Variants in SEMA6D observed in about 807,000 individuals in gnomAD.
SEMA6D encodes the protein semaphorin 6D, also known as semaphorin-6D.
Under a neutral mutation model 106.6 loss-of-function variants are expected in SEMA6D, and 35 were observed. The observed-to-expected ratio is 0.33, with a 90% CI of 0.25 to 0.44. The LOEUF (loss-of-function observed/expected upper bound fraction) is 0.44, where lower values mean the gene tolerates loss of function less well. Ranked by LOEUF, SEMA6D falls within the 20% of genes least tolerant of loss-of-function variation. The pLI is 1.00. For missense variants in SEMA6D, 1,185 were observed against 1,345.9 expected, an observed-to-expected ratio of 0.88 and a Z score of 1.87; for synonymous variants, 499 against 487.7, an observed-to-expected ratio of 1.02 and a Z score of -0.31.
At position 47,488,645 on chromosome 15, in the gene SEMA6D, C is replaced by G. The variant is rs1656600; in HGVS notation, c.-87+18100C>G. ...GAGAATCAGAAGAGAAAGCCTGAGA[C>G]TTGAGGAAGGGAGGGAGTTAGCTAG... On this transcript the variant is annotated intron_variant, in intron 3 of 19. Coordinates refer to the SEMA6D transcript ENST00000558014. Among the ~76,000 whole-genome samples, 258 of 152,132 alleles carry G rather than the reference C, an allele frequency of 1.7e-3. 2 individuals carry two copies. The highest frequency in any genetic ancestry group is 5.8e-3 in the African/African-American group (240 of 41,506).
At chr15:47,301,553 G>A (rs1488084796) in intron 1 of SEMA6D, among the ~76,000 whole-genome samples, 4 of 152,232 alleles carry the variant, frequency 2.6e-5, no homozygotes, top group Non-Finnish European at 5.9e-5. Context: ...CAGATGTCCA[G>A]CTGCCCTGGG....
chr15:47,495,543 G>A (rs1010676032), intron 3 of SEMA6D, among the ~76,000 whole-genome samples: 2 of 151,602 alleles, frequency 1.3e-5, no homozygotes, highest in African/African-American at 2.4e-5. Context: ...TCCATGAATC[G>A]CAAATGTTGT....
intron 3 of SEMA6D, among the ~76,000 whole-genome samples, chr15:47,534,202 T>A (rs1385195043): frequency 2.0e-5 from 3 of 152,222 alleles, no homozygotes; most frequent in African/African-American, 4.8e-5. Flanking sequence ...TCTTTTTTTT[T>A]TAAATGGAGA....
intron 3 of SEMA6D, among the ~76,000 whole-genome samples, chr15:47,480,837 G>A (rs2043134853): frequency 6.6e-6 from 1 of 152,064 alleles, no homozygotes; most frequent in African/African-American, 2.4e-5. Context: ...CTCCAACCCT[G>A]TTGTCTTTCT....
chr15:47,711,817 G>A (rs2079029491), intron 4 of SEMA6D, among the ~76,000 whole-genome samples: 1 of 152,160 alleles, frequency 6.6e-6, no homozygotes, highest in Non-Finnish European at 1.5e-5. Context: ...TGGAAAGATG[G>A]AAATTACCCA....
chr15:47,758,275 C>G (rs1306992297), intron 1 of SEMA6D, among the ~76,000 whole-genome samples: 1 of 152,136 alleles, frequency 6.6e-6, no homozygotes, highest in African/African-American at 2.4e-5. Flanking sequence ...TGTGCTTCAC[C>G]TGAAGTCCAT....
At chr15:47,542,158 G>C (rs145262150) in intron 3 of SEMA6D, among the ~76,000 whole-genome samples, 1,835 of 152,222 alleles carry the variant, frequency 0.012, 10 homozygotes, top group Admixed American at 0.021. Flanking sequence ...ACAAATTTCT[G>C]TAATATTAGA....
intron 3 of SEMA6D, chr15:47,470,671 T>A (rs1326661419): frequency 6.6e-6 from 1 of 152,180 alleles, no homozygotes; most frequent in Non-Finnish European, 1.5e-5. Context: ...GATTTTTGCC[T>A]CAAATTGGCA....
intron 2 of SEMA6D, among the ~76,000 whole-genome samples, chr15:47,420,578 T>C (rs1015724187): frequency 1.3e-5 from 2 of 152,136 alleles, no homozygotes; most frequent in African/African-American, 4.8e-5. Flanking sequence ...CAAGTCCTAG[T>C]GGCCCTCTCC....
intron 3 of SEMA6D, among the ~76,000 whole-genome samples, chr15:47,492,576 T>A (rs2043506835): frequency 6.6e-6 from 1 of 152,208 alleles, no homozygotes; most frequent in Non-Finnish European, 1.5e-5. Context: ...AAAAACTGCT[T>A]GAGAACCTGA....
At chr15:47,651,954 A>G (rs772035712) in intron 4 of SEMA6D, among the ~76,000 whole-genome samples, 1 of 152,308 alleles carries the variant, frequency 6.6e-6, no homozygotes, top group East Asian at 1.9e-4. Flanking sequence ...TCAGAAGTCT[A>G]CGTGTCCTTC....
At chr15:47,214,336 T>G (rs946802846) in intron 1 of SEMA6D, among the ~76,000 whole-genome samples, 1 of 151,968 alleles carries the variant, frequency 6.6e-6, no homozygotes, top group African/African-American at 2.4e-5. Context: ...TTAGCGGGGA[T>G]TAGGACAAAG....
chr15:47,415,455 G>T (rs953744524), intron 2 of SEMA6D, among the ~76,000 whole-genome samples: 1 of 152,022 alleles, frequency 6.6e-6, no homozygotes, highest in African/African-American at 2.4e-5. Flanking sequence ...ATTCTTTTCA[G>T]ATGCAGACTT....
At chr15:47,765,832 C>CT in intron 13 of SEMA6D, 37 bp from the exon 14 acceptor site, 1 of 1,470,872 alleles carries the variant, frequency 6.8e-7, no homozygotes, top group Non-Finnish European at 9.0e-7. Flanking sequence ...ACTTGACTGA[C>CT]TAAACATATG....
intron 1 of SEMA6D, among the ~76,000 whole-genome samples, chr15:47,346,776 T>C (rs1164666336): frequency 6.6e-6 from 1 of 152,128 alleles, no homozygotes; most frequent in Non-Finnish European, 1.5e-5. Flanking sequence ...TCTTACAGCA[T>C]TAAAAAAAGA....
intron 1 of SEMA6D, among the ~76,000 whole-genome samples, chr15:47,278,063 C>T (rs1270540210): frequency 6.6e-6 from 1 of 151,706 alleles, no homozygotes; most frequent in African/African-American, 2.4e-5. Context: ...AATAATGCCA[C>T]AATAAACATA....
chr15:47,264,149 A>G (rs766925365), intron 1 of SEMA6D, among the ~76,000 whole-genome samples: 1 of 152,010 alleles, frequency 6.6e-6, no homozygotes, highest in African/African-American at 2.4e-5. Flanking sequence ...AATGATGAGG[A>G]CACATGGACA....
chr15:47,295,140 T>A (rs2035754953), intron 1 of SEMA6D, among the ~76,000 whole-genome samples: 1 of 152,210 alleles, frequency 6.6e-6, no homozygotes, highest in Admixed American at 6.5e-5. Flanking sequence ...GTGTTTATTA[T>A]CTGCAGCACA....
intron 3 of SEMA6D, among the ~76,000 whole-genome samples, chr15:47,524,572 T>C (rs1797241): frequency 0.011 from 1,687 of 152,318 alleles, 30 homozygotes; most frequent in African/African-American, 0.039. Flanking sequence ...CTTGCTGTAG[T>C]TTATGCCTAA....
Sources: gnomAD v4.1 joint callset for allele counts (sites outside exome capture counted in the v4.1 genomes callset) on GRCh38, gnomAD v4.1.1 for gene constraint, MANE v1.5 for transcripts, NCBI Gene and HGNC (gene_info 2026-07-23, HGNC 2026-07-21) for gene names.